Variants in GRID1 observed in about 807,000 individuals in gnomAD.
GRID1 encodes the protein glutamate receptor ionotropic, delta-1.
Under a neutral mutation model 98.0 loss-of-function variants are expected in GRID1, and 28 were observed. The ratio of observed to expected loss-of-function variants is 0.29; its 90% confidence interval spans 0.21 to 0.39. The LOEUF (loss-of-function observed/expected upper bound fraction) is 0.39. Among genes scored for constraint, GRID1 ranks in the 10% least tolerant of loss-of-function variants. The probability of loss-of-function intolerance (pLI) is 1.00; values close to 1 mark genes in which losing one functional copy is unlikely to be tolerated. For missense variants in GRID1, 1,111 were observed against 1,340.5 expected, an observed-to-expected ratio of 0.83 and a Z score of 2.67; for synonymous variants, 553 against 538.5, an observed-to-expected ratio of 1.03 and a Z score of -0.37.
chr10:86,253,374 T>C (rs1364480048), intron 2 of GRID1, among the ~76,000 whole-genome samples: 2 of 152,180 alleles, frequency 1.3e-5, no homozygotes, highest in Non-Finnish European at 2.9e-5. Context: ...AAGACAGAGA[T>C]AAGAACGCTC....
intron 12 of GRID1, among the ~76,000 whole-genome samples, chr10:85,711,224 C>T (rs1009336477): frequency 3.3e-5 from 5 of 151,352 alleles, no homozygotes; most frequent in East Asian, 1.9e-4. Context: ...GAAAGCAATC[C>T]AAGATTCCAC....
At chr10:85,752,683 A>G (rs1842059036) in intron 8 of GRID1, among the ~76,000 whole-genome samples, 1 of 152,208 alleles carries the variant, frequency 6.6e-6, no homozygotes, top group Non-Finnish European at 1.5e-5. Flanking sequence ...GTAATACCAG[A>G]ATATACTGTT....
chr10:85,629,191 A>T (rs1403185950), intron 13 of GRID1, among the ~76,000 whole-genome samples: 2 of 152,208 alleles, frequency 1.3e-5, no homozygotes, highest in African/African-American at 4.8e-5. Context: ...CATCTCAAAA[A>T]GGCCACCAAT....
In GRID1 at chr10:86,224,373, A is replaced by G. The variant is rs532263316; in HGVS notation, c.236-17725T>C. 1.6e-3 allele frequency among the ~76,000 whole-genome samples: 240 copies of G among 152,254 alleles called. 2 individuals are homozygous for G. Among genetic ancestry groups the G allele is most frequent in the African/African-American group, 5.6e-3 (232 of 41,534 alleles). ...AGGTGGCCCACACTCCATTCAGCTC[A>G]TGAGAAAAGAGACCAACCCAAGGCT... On this transcript the variant is annotated intron_variant, in intron 2 of 15. Transcript: ENST00000327946.
At chr10:85,643,596 G>A (rs980118067) in intron 13 of GRID1, among the ~76,000 whole-genome samples, 17 of 152,226 alleles carry the variant, frequency 1.1e-4, no homozygotes, top group African/African-American at 3.9e-4. Flanking sequence ...GAGGATTTGA[G>A]AGTAAATCTG....
chr10:86,323,091 T>A (rs1388294794), intron 2 of GRID1, among the ~76,000 whole-genome samples: 1 of 152,076 alleles, frequency 6.6e-6, no homozygotes, highest in Non-Finnish European at 1.5e-5. Flanking sequence ...AGCAAGACTC[T>A]ATATGAAAAA....
intron 8 of GRID1, among the ~76,000 whole-genome samples, chr10:85,841,276 C>T (rs999629005): frequency 6.6e-6 from 1 of 152,098 alleles, no homozygotes; most frequent in Non-Finnish European, 1.5e-5. Context: ...GAATAACTGG[C>T]TAGCCATATG....
intron 8 of GRID1, among the ~76,000 whole-genome samples, chr10:85,815,023 A>G (rs1299188206): frequency 6.6e-6 from 1 of 152,044 alleles, no homozygotes; most frequent in East Asian, 1.9e-4. Flanking sequence ...AACTGAAAGG[A>G]GCCACATATA....
Position 86,176,085 on chromosome 10 carries a change from C to T in GRID1, c.520+30279G>A, listed in dbSNP as rs571066757. ...GTCTCGAACCCCTGAAATTGTGATC[C>T]GCCTGCCTCAGCCTCCCAAAGGGCT... On this transcript the variant is annotated intron_variant, in intron 3 of 15. Transcript: ENST00000327946. Among the ~76,000 whole-genome samples, 14 of 152,214 alleles carry T rather than the reference C, an allele frequency of 9.2e-5. No homozygotes were observed. The South Asian group carries it at 2.3e-3, about 25-fold the overall frequency.
chr10:86,032,760 C>A (rs180919414), intron 4 of GRID1, among the ~76,000 whole-genome samples: 32 of 151,110 alleles, frequency 2.1e-4, no homozygotes, highest in Non-Finnish European at 3.1e-4. Flanking sequence ...GACCTTCCCT[C>A]CACTATTGCC....
At chr10:85,947,598 G>A (rs1842069385) in intron 4 of GRID1, among the ~76,000 whole-genome samples, 1 of 152,150 alleles carries the variant, frequency 6.6e-6, no homozygotes, top group African/African-American at 2.4e-5. Context: ...GACTCTGCAG[G>A]ATGCTGTGCC....
intron 2 of GRID1, among the ~76,000 whole-genome samples, chr10:86,208,725 G>A (rs1397539780): frequency 1.3e-5 from 2 of 152,158 alleles, no homozygotes; most frequent in Non-Finnish European, 2.9e-5. Context: ...GGAGGACCAG[G>A]GTCATGCCTG....
At chr10:86,023,246 CAAGA>C (rs1439193243) in intron 4 of GRID1, among the ~76,000 whole-genome samples, 1 of 152,116 alleles carries the variant, frequency 6.6e-6, no homozygotes, top group East Asian at 1.9e-4. Context: ...ATGTATGTCC[CAAGA>C]AAGACTGAGA....
chr10:86,314,770 C>T (rs1847876327), intron 2 of GRID1, among the ~76,000 whole-genome samples: 1 of 152,222 alleles, frequency 6.6e-6, no homozygotes, highest in African/African-American at 2.4e-5. Flanking sequence ...TGTCCTAGCC[C>T]TCTAGGCAGG....
chr10:85,803,363 T>C (rs1842594715), intron 8 of GRID1, among the ~76,000 whole-genome samples: 2 of 152,106 alleles, frequency 1.3e-5, no homozygotes, highest in South Asian at 4.1e-4. Flanking sequence ...ACACCTATTA[T>C]GTACCCACTA....
chr10:85,766,308 A>G (rs1301708027), intron 8 of GRID1, among the ~76,000 whole-genome samples: 1 of 152,176 alleles, frequency 6.6e-6, no homozygotes, highest in Non-Finnish European at 1.5e-5. Flanking sequence ...CAATGTGGTG[A>G]AACCCCATTT....
At chr10:86,278,485 C>A (rs1055778586) in intron 2 of GRID1, among the ~76,000 whole-genome samples, 2 of 152,064 alleles carry the variant, frequency 1.3e-5, no homozygotes, top group South Asian at 2.1e-4. Flanking sequence ...ATCAAGGAAA[C>A]CAAAAGCTGG....
At chr10:85,911,467 C>T (rs1038375081) in intron 5 of GRID1, among the ~76,000 whole-genome samples, 1 of 152,110 alleles carries the variant, frequency 6.6e-6, no homozygotes, top group Non-Finnish European at 1.5e-5. Flanking sequence ...GTGGCAAGGG[C>T]CTGCTGACTA....
Position 85,916,126 on chromosome 10 carries a change from CT to C in GRID1, c.780+59del. On this transcript the variant is annotated intron_variant, in intron 5 of 15. Transcript: ENST00000327946. The surrounding 1 kb of genome is among the most constrained non-coding windows in gnomAD (Gnocchi z 4.0). ...TTGAACTGAAAAGAATCACACTGAG[CT>C]TTACAAGGGGCTAGGGGCTCAGTCC... 7.9e-7 allele frequency: 1 copy of C among 1,265,322 alleles called. No individual in the cohort carries two copies. The highest frequency in any genetic ancestry group is 1.2e-6 in the Non-Finnish European group (1 of 865,090). The allele number at this position is 1,265,322 out of a possible 1,614,324, so 78.4% of individuals were successfully genotyped here.
Sources: allele counts gnomAD v4.1 joint callset (sites outside exome capture counted in the v4.1 genomes callset), GRCh38; gene constraint gnomAD v4.1.1; non-coding constraint Gnocchi (gnomAD v3.1); transcripts MANE v1.5; gene names NCBI Gene and HGNC (gene_info 2026-07-23, HGNC 2026-07-21).